Variants in USP32 observed in about 807,000 individuals in gnomAD.
USP32 encodes the protein ubiquitin carboxyl-terminal hydrolase 32.
USP32 carries 59 observed loss-of-function variants against 204.8 expected under a neutral mutation model. That is an observed-to-expected ratio of 0.29 (90% confidence interval 0.23 to 0.36). USP32 has a LOEUF of 0.36. Among genes scored for constraint, USP32 ranks in the 10% least tolerant of loss-of-function variants. The pLI is 1.00. For synonymous variants in USP32, 517 were observed against 678.4 expected, an observed-to-expected ratio of 0.76 and a Z score of 3.70; for missense variants, 1,160 against 1,946.4, an observed-to-expected ratio of 0.60 and a Z score of 7.60.
chr17:60,355,680 T>A (rs931560343), intron 1 of USP32, among the ~76,000 whole-genome samples: 3 of 151,590 alleles, frequency 2.0e-5, no homozygotes, highest in Non-Finnish European at 2.9e-5. Flanking sequence ...ACACTGTCTC[T>A]ACAAAAACTA....
intron 12 of USP32, among the ~76,000 whole-genome samples, chr17:60,235,316 A>G (rs2085692551): frequency 6.6e-6 from 1 of 152,176 alleles, no homozygotes; most frequent in Admixed American, 6.5e-5. Flanking sequence ...ATCTACCTAC[A>G]AGGTCCAGGA....
intron 11 of USP32, among the ~76,000 whole-genome samples, chr17:60,248,749 G>C (rs960856236): frequency 1.3e-5 from 2 of 152,098 alleles, no homozygotes; most frequent in Non-Finnish European, 2.9e-5. Flanking sequence ...TTAGCTCTTT[G>C]AAAACATTTA....
At chr17:60,179,773 C>T (rs1262952251) in intron 33 of USP32, among the ~76,000 whole-genome samples, 2 of 152,156 alleles carry the variant, frequency 1.3e-5, no homozygotes, top group Non-Finnish European at 2.9e-5. Context: ...TGGGTTCAAG[C>T]GATTCTGCTG....
At chr17:60,348,586 G>GC (rs1286838584) in intron 1 of USP32, among the ~76,000 whole-genome samples, 1 of 152,030 alleles carries the variant, frequency 6.6e-6, no homozygotes, top group Non-Finnish European at 1.5e-5. Flanking sequence ...ACCACCCTAG[G>GC]CAACATAGTG....
chr17:60,259,487 G>C (rs745750033), intron 9 of USP32, among the ~76,000 whole-genome samples: 18 of 152,122 alleles, frequency 1.2e-4, no homozygotes, highest in Non-Finnish European at 2.2e-4. Flanking sequence ...GTCCAGGGTT[G>C]GTTCCTGTCT....
intron 4 of USP32, among the ~76,000 whole-genome samples, chr17:60,293,649 AT>A (rs1182203079): frequency 3.3e-5 from 5 of 152,266 alleles, no homozygotes; most frequent in African/African-American, 1.2e-4. Flanking sequence ...CACAGGAGAT[AT>A]TCAAAACCAG....
At chr17:60,269,277 G>A (rs917442168) in intron 7 of USP32, among the ~76,000 whole-genome samples, 173 bp downstream of exon 7, 1 of 152,166 alleles carries the variant, frequency 6.6e-6, no homozygotes, top group Non-Finnish European at 1.5e-5. Context: ...AAAAAGAAGA[G>A]GTGATTGATT....
intron 2 of USP32, among the ~76,000 whole-genome samples, chr17:60,334,631 G>A (rs1431133946): frequency 7.0e-6 from 1 of 143,332 alleles, no homozygotes; most frequent in African/African-American, 3.0e-5. Flanking sequence ...GGCGGAGCTT[G>A]CAGTGAGCCG....
At chr17:60,259,113 T>C (rs1235593459) in intron 9 of USP32, among the ~76,000 whole-genome samples, 2 of 152,228 alleles carry the variant, frequency 1.3e-5, no homozygotes, top group African/African-American at 2.4e-5. Context: ...TTTCACATGG[T>C]AGGAACCAGC....
chr17:60,308,428 C>T (rs1199574450), intron 2 of USP32, among the ~76,000 whole-genome samples: 2 of 152,158 alleles, frequency 1.3e-5, no homozygotes, highest in African/African-American at 4.8e-5. Context: ...CATCACACAC[C>T]CTGTGAGGGG....
At chr17:60,203,396 CAAAAAA>C (rs554691150) in intron 26 of USP32, among the ~76,000 whole-genome samples, 2 of 24,402 alleles carry the variant, frequency 8.2e-5, no homozygotes, top group African/African-American at 2.7e-4. Context: ...GCGAGACTGT[CAAAAAA>C]AAAAAAAAAA....
chr17:60,217,356 G>A (rs529100208), intron 16 of USP32, among the ~76,000 whole-genome samples: 9 of 152,206 alleles, frequency 5.9e-5, no homozygotes, highest in East Asian at 3.9e-4. Context: ...AGTGCATGGC[G>A]CGATCTCGGC....
Position 60,285,875 on chromosome 17 carries a change from G to A in USP32, c.571+2648C>T, listed in dbSNP as rs149235150. 9.6e-3 allele frequency among the ~76,000 whole-genome samples: 1,459 copies of A among 152,188 alleles called. 33 individuals carry two copies. Among genetic ancestry groups the A allele is most frequent in the African/African-American group, 0.034 (1,401 of 41,532 alleles). ...AAGCAGCCCAGGCACAGTGGCTCAC[G>A]CCTGTAATCCCAGCACTTTGAGAGG... On this transcript the variant is annotated intron_variant, in intron 5 of 33. Transcript: ENST00000300896.
At chr17:60,421,801 C>T (rs1226199453) in intron 1 of USP32, 18 of 958,594 alleles carry the variant, frequency 1.9e-5, no homozygotes, top group Non-Finnish European at 2.2e-5. Flanking sequence ...TAGGAAGAGT[C>T]GGGGTGGCGG....
chr17:60,371,323 T>G (rs1173998952), intron 1 of USP32, among the ~76,000 whole-genome samples: 2 of 151,114 alleles, frequency 1.3e-5, no homozygotes, highest in East Asian at 3.9e-4. Flanking sequence ...TCCCAGCACT[T>G]TGGGAGGCCA....
intron 9 of USP32, among the ~76,000 whole-genome samples, chr17:60,264,804 G>A (rs1205257053): frequency 7.2e-6 from 1 of 139,078 alleles, no homozygotes; most frequent in Non-Finnish European, 1.5e-5. Flanking sequence ...AGGTGGCAGT[G>A]AGCTGAGATC....
chr17:60,296,382 C>T (rs2087429991), intron 3 of USP32, among the ~76,000 whole-genome samples: 1 of 152,020 alleles, frequency 6.6e-6, no homozygotes, highest in Non-Finnish European at 1.5e-5. Context: ...AGAAGAAAAG[C>T]ACAAACAGAA....
chr17:60,385,560 G>A (rs930414070), intron 1 of USP32, among the ~76,000 whole-genome samples: 1 of 151,528 alleles, frequency 6.6e-6, no homozygotes, highest in Non-Finnish European at 1.5e-5. Context: ...TAAATAAATA[G>A]GCCAGAAGCA....
intron 1 of USP32, among the ~76,000 whole-genome samples, chr17:60,346,777 T>C (rs2088796710): frequency 1.3e-5 from 2 of 152,158 alleles, no homozygotes; most frequent in African/African-American, 4.8e-5. Flanking sequence ...TACATTAAAT[T>C]TTAAAGGCTA....
Sources: gnomAD v4.1 joint callset for allele counts (sites outside exome capture counted in the v4.1 genomes callset) on GRCh38, gnomAD v4.1.1 for gene constraint, MANE v1.5 for transcripts, NCBI Gene and HGNC (gene_info 2026-07-23, HGNC 2026-07-21) for gene names.